ANTXRL: variants seen among roughly 807,000 people sequenced by gnomAD.
ANTXRL encodes the protein ANTXR like.
Under a neutral mutation model 75.4 loss-of-function variants are expected in ANTXRL, and 63 were observed. The observed-to-expected ratio is 0.84, with a 90% confidence interval of 0.68 to 1.03. The LOEUF (loss-of-function observed/expected upper bound fraction) is 1.03. ANTXRL is among the 50% of genes least tolerant of loss of function. The pLI is 0.00. For synonymous variants in ANTXRL, 335 were observed against 291.3 expected (o/e 1.15, Z -1.53); for missense variants, 797 against 789.4 (o/e 1.01, Z -0.12).
intron 16 of ANTXRL, among the ~76,000 whole-genome samples, chr10:46,313,995 T>A (rs1838581515): frequency 2.0e-5 from 3 of 152,236 alleles, no homozygotes; most frequent in Non-Finnish European, 4.4e-5. Context: ...GCCCTGCTTC[T>A]GGCTCGGCCT....
intron 3 of ANTXRL, 171 bp downstream of exon 3, chr10:46,294,071 C>A (rs1554957789): frequency 3.3e-6 from 2 of 609,474 alleles, no homozygotes; most frequent in African/African-American, 3.7e-5. Context: ...TCCCCTGCAT[C>A]CTCCTACCCA....
chr10:46,301,790 C>CTTCCTGCT (rs1554960619), intron 9 of ANTXRL, among the ~76,000 whole-genome samples: 6 of 152,232 alleles, frequency 3.9e-5, no homozygotes, highest in African/African-American at 1.4e-4. Context: ...AGGCAGGAAG[C>CTTCCTGCT]AGGGTTCACA....
chr10:46,287,155 T>C lies in ANTXRL; in HGVS notation c.-108T>C. On this transcript the variant is annotated 5_prime_UTR_variant, in exon 1 of 17. Coordinates refer to ENST00000620264, the MANE Select transcript of ANTXRL (RefSeq NM_001278688.3). ...TGGTGAAAGGGCAGGAGGAGGGGTG[T>C]GGCCCCGGGCATAAGGGGAGGCGGC... 7.2e-7 allele frequency: 1 copy of C among 1,388,432 alleles called. No homozygotes were observed. The highest frequency in any genetic ancestry group is 9.5e-7 in the Non-Finnish European group (1 of 1,048,424). The allele number at this position is 1,388,432 out of a possible 1,614,324, so 86.0% of individuals were successfully genotyped here.
chr10:46,293,981 G>A, intron 3 of ANTXRL, 81 bp downstream of exon 3: 1 of 1,352,994 alleles, frequency 7.4e-7, no homozygotes, highest in African/African-American at 1.5e-5. Flanking sequence ...GGCTCCCGGA[G>A]ACCTTGGTTG....
chr10:46,313,012 T>C (rs1838517441), intron 15 of ANTXRL, among the ~76,000 whole-genome samples: 1 of 152,202 alleles, frequency 6.6e-6, no homozygotes. Flanking sequence ...CGTTTTCTCT[T>C]CCTTCAGCAA....
At chr10:46,326,684 G>A (rs1222708256) in intron 16 of ANTXRL, among the ~76,000 whole-genome samples, 1 of 152,132 alleles carries the variant, frequency 6.6e-6, no homozygotes, top group African/African-American at 2.4e-5. Context: ...CCACCTCTGT[G>A]AGGCCTGGAC....
intron 9 of ANTXRL, among the ~76,000 whole-genome samples, chr10:46,299,124 C>A (rs575251193): frequency 6.6e-6 from 1 of 152,144 alleles, no homozygotes; most frequent in South Asian, 2.1e-4. Flanking sequence ...CCCAGGAAGG[C>A]CAGGCAGGTG....
intron 2 of ANTXRL, among the ~76,000 whole-genome samples, chr10:46,293,285 TGTGC>T (rs1554957154): frequency 2.0e-5 from 1 of 50,974 alleles, no homozygotes; most frequent in African/African-American, 5.4e-5. Context: ...TGTGAGAGTG[TGTGC>T]GTGTGTGCCT....
At chr10:46,309,633 C>T (rs1441475891) in intron 13 of ANTXRL, among the ~76,000 whole-genome samples, 1 of 152,202 alleles carries the variant, frequency 6.6e-6, no homozygotes, top group East Asian at 1.9e-4. Flanking sequence ...GACGCTGTAA[C>T]CCCCAGCTGT....
Position 46,287,164 on chromosome 10 carries a change from G to T in ANTXRL, c.-99G>T. 7.0e-7 allele frequency: 1 copy of T among 1,433,928 alleles called. No individual in the cohort carries two copies. The allele number at this position is 1,433,928 out of a possible 1,614,324, so 88.8% of individuals were successfully genotyped here. A position where few individuals can be genotyped will look rare whatever the true frequency, so the allele number is the denominator to read the frequency against. ...GGCAGGAGGAGGGGTGTGGCCCCGGGCATAAGGGGAGGCGGCAAAGAAGGG... is the reference window on the plus strand; with the variant it reads ...GGCAGGAGGAGGGGTGTGGCCCCGGTCATAAGGGGAGGCGGCAAAGAAGGG... On this transcript the variant is annotated 5_prime_UTR_variant, in exon 1 of 17. Transcript: ENST00000620264.
Position 46,310,536 on chromosome 10 carries a change from C to T in ANTXRL, c.1173+37C>T, listed in dbSNP as rs1355905549. The T allele has an allele frequency of 3.3e-6, 5 of 1,532,406 alleles. No individual in the cohort carries two copies. The African/African-American group carries it at 6.9e-5, about 21-fold the overall frequency. 94.9% of individuals were successfully genotyped at this position (1,532,406 alleles called of 1,614,324 possible). ...TTCTGGTCCCGATATTGTCACATCCCAAGGAGCCCACTGACCTTCACCAAG... is the reference window on the plus strand; with the variant it reads ...TTCTGGTCCCGATATTGTCACATCCTAAGGAGCCCACTGACCTTCACCAAG... On this transcript the variant is annotated intron_variant, in intron 14 of 16. Coordinates refer to ENST00000620264, the MANE Select transcript of ANTXRL (RefSeq NM_001278688.3).
intron 16 of ANTXRL, among the ~76,000 whole-genome samples, 191 bp downstream of exon 16, chr10:46,313,507 G>A (rs1838552443): frequency 6.6e-6 from 1 of 152,158 alleles, no homozygotes; most frequent in Non-Finnish European, 1.5e-5. Flanking sequence ...CTCTTCCTTT[G>A]TTCATCACCT....
chr10:46,309,344 C>T (rs1418742751), intron 13 of ANTXRL, 142 bp downstream of exon 13: 127 of 1,453,046 alleles, frequency 8.7e-5, no homozygotes, highest in Middle Eastern at 7.3e-4. Flanking sequence ...CCCAGGGAGT[C>T]GCAGACCTGT....
Position 46,318,505 on chromosome 10 carries a change from C to T in ANTXRL, c.1410+5189C>T, listed in dbSNP as rs532463032. ...GAATTTGATCAAAACGACAAGTTCA[C>T]TCGAAAAAAATAGACAGTTAAGAAT... On this transcript the variant is annotated intron_variant, in intron 16 of 16. Transcript: ENST00000620264. 4.0e-5 allele frequency among the ~76,000 whole-genome samples: 6 copies of T among 150,478 alleles called. No individual in the cohort carries two copies. The South Asian group carries it at 1.2e-3, about 31-fold the overall frequency.
chr10:46,317,851 G>A (rs1838809237), intron 16 of ANTXRL, among the ~76,000 whole-genome samples: 1 of 152,136 alleles, frequency 6.6e-6, no homozygotes. Context: ...CCTTAGAGTG[G>A]TTGAGCTGAT....
chr10:46,323,546 G>A (rs967796623), intron 16 of ANTXRL, among the ~76,000 whole-genome samples: 3 of 152,162 alleles, frequency 2.0e-5, no homozygotes, highest in African/African-American at 7.2e-5. Flanking sequence ...CAGCATGTTG[G>A]ACTTGTGAAT....
chr10:46,300,935 C>G (rs1837691065), intron 9 of ANTXRL, among the ~76,000 whole-genome samples: 1 of 152,144 alleles, frequency 6.6e-6, no homozygotes, highest in East Asian at 1.9e-4. Context: ...ACATCTCTAT[C>G]CACCACTGGG....
In ANTXRL at chr10:46,287,399, G is replaced by A; in HGVS notation, c.137G>A (p.Gly46Asp). 5.2e-6 allele frequency: 8 copies of A among 1,536,006 alleles called. No homozygotes were observed. Among genetic ancestry groups the A allele is most frequent in the Non-Finnish European group, 7.0e-6 (8 of 1,146,772 alleles). The change falls in exon 1 of 17, where the codon GGC becomes GAC. Residue 46 changes from glycine to aspartate, a missense_variant. Physicochemically the swap from Gly to Asp is moderately conservative, Grantham distance 94. Transcript: ENST00000620264. ...AGAATATTTCACCGCCTGGCCCTGG[G>A]CTCCAGGAGAGCCCACCACCACCAT... ...DWRIFHRLAL[G>D]SRRAHHHHGP...
chr10:46,294,314 T>A (rs1554957890), intron 3 of ANTXRL, among the ~76,000 whole-genome samples: 1 of 151,910 alleles, frequency 6.6e-6, no homozygotes, highest in African/African-American at 2.4e-5. Context: ...GGAGACAGGG[T>A]CAAAGCTGGT....
Sources: gnomAD v4.1 joint callset for allele counts (sites outside exome capture counted in the v4.1 genomes callset) on GRCh38, gnomAD v4.1.1 for gene constraint, MANE v1.5 for transcripts, NCBI Gene and HGNC (gene_info 2026-07-23, HGNC 2026-07-21) for gene names.